Variants in PLEKHG7 observed in about 807,000 individuals in gnomAD.
The protein encoded by PLEKHG7 is pleckstrin homology domain-containing family G member 7.
PLEKHG7 carries 77 observed loss-of-function variants against 85.2 expected under a neutral mutation model. The ratio of observed to expected loss-of-function variants is 0.90; its 90% CI spans 0.75 to 1.09. PLEKHG7 has a LOEUF of 1.09. PLEKHG7 is among the 50% of genes least tolerant of loss of function. PLEKHG7 has a pLI of 0.00. For synonymous variants in PLEKHG7, 301 were observed against 302.4 expected (o/e 1.00, Z 0.05); for missense variants, 777 against 804.3 (o/e 0.97, Z 0.41).
chr12:92,748,991 C>A (rs1872612680), intron 10 of PLEKHG7, among the ~76,000 whole-genome samples: 1 of 152,190 alleles, frequency 6.6e-6, no homozygotes, highest in South Asian at 2.1e-4. Context: ...GGAGTTTAGA[C>A]AAATTAGGCA....
At chr12:92,728,893 C>A in intron 3 of PLEKHG7, 100 bp from the exon 4 acceptor site, 2 of 977,494 alleles carry the variant, frequency 2.0e-6, no homozygotes, top group East Asian at 3.3e-5. Context: ...TCTCCACAAC[C>A]ACGCCAACAT....
rs1873456008 is a variant in PLEKHG7, at chr12:92,772,127, T to C, written c.*1932T>C. ...CAAAAAACAATGGCACATTGGGCCT[T>C]CCAAAAAGTATCTTTGGGGAGGGGA... is the stretch of plus-strand genomic sequence containing the variant. On this transcript the variant is annotated 3_prime_UTR_variant, in exon 17 of 17. Coordinates refer to ENST00000344636, the MANE Select transcript of PLEKHG7 (RefSeq NM_001377329.1). 6.6e-6 allele frequency: 1 copy of C among 151,674 alleles called. No individual in the cohort carries two copies. The highest frequency in any genetic ancestry group is 1.5e-5 in the Non-Finnish European group (1 of 67,798). 9.4% of individuals were successfully genotyped at this position (151,674 alleles called of 1,614,324 possible). A position where few individuals can be genotyped will look rare whatever the true frequency, so the allele number is the denominator to read the frequency against.
chr12:92,750,577 G>A (rs1465301577), intron 10 of PLEKHG7, among the ~76,000 whole-genome samples: 2 of 152,192 alleles, frequency 1.3e-5, no homozygotes, highest in African/African-American at 4.8e-5. Context: ...GTGGCCTGGG[G>A]CAGTGAGTTT....
In PLEKHG7 at chr12:92,770,294, A is replaced by G; in HGVS notation, c.*99A>G. The G allele has an allele frequency of 2.1e-6, 2 of 941,520 alleles. No individual in the cohort carries two copies. The highest frequency in any genetic ancestry group is 3.2e-6 in the Non-Finnish European group (2 of 619,538). 58.3% of individuals were successfully genotyped at this position (941,520 alleles called of 1,614,324 possible). The stretch of plus-strand genomic sequence containing the variant: ...ACTTAGCTAGTGATAAGCTAGAAGG[A>G]AATTTGCATTTTAAAGAAGTTTCAG... On this transcript the variant is annotated 3_prime_UTR_variant, in exon 17 of 17. Transcript: ENST00000344636.
At chr12:92,750,850 G>A (rs1872670548) in intron 10 of PLEKHG7, among the ~76,000 whole-genome samples, 1 of 152,110 alleles carries the variant, frequency 6.6e-6, no homozygotes, top group Non-Finnish European at 1.5e-5. Context: ...CTAGCCAAGA[G>A]CCATCTAGCC....
At chr12:92,732,778 T>C (rs796203015) in intron 5 of PLEKHG7, among the ~76,000 whole-genome samples, 6 of 152,286 alleles carry the variant, frequency 3.9e-5, no homozygotes, top group African/African-American at 1.2e-4. Flanking sequence ...GTTATCCATC[T>C]CAATCAGCGG....
rs74886854 is a variant in PLEKHG7 at position 92,741,082 on chromosome 12, A to C, written c.1035+134A>C. On this transcript the variant is annotated intron_variant, in intron 8 of 16. Transcript: ENST00000344636. ...TTCCCAGTCAGGACTTCAGGTTAAT[A>C]AGAAAGAAGTTGAAATATCCATTAT... is the stretch of plus-strand genomic sequence containing the variant. 156 of 579,124 alleles carry C rather than the reference A, an allele frequency of 2.7e-4. 1 individual carries two copies. The East Asian group carries it at 4.5e-3, about 17-fold the overall frequency. The allele number at this position is 579,124 out of a possible 1,614,324, so 35.9% of individuals were successfully genotyped here.
intron 15 of PLEKHG7, among the ~76,000 whole-genome samples, chr12:92,766,752 C>G (rs1278132749): frequency 1.3e-5 from 2 of 152,122 alleles, no homozygotes; most frequent in Non-Finnish European, 2.9e-5. Context: ...ATCACTTAAA[C>G]CCAGAAGGCA....
Position 92,761,761 on chromosome 12 carries a change from G to C in PLEKHG7, c.1646G>C (p.Arg549Thr). 1 of 1,570,310 alleles carries C rather than the reference G, an allele frequency of 6.4e-7. No homozygotes were observed. The change falls in exon 14 of 17, where the codon AGA becomes ACA. Residue 549 changes from arginine to threonine, a missense_variant. Physicochemically the swap from Arg to Thr is moderately conservative, Grantham distance 71. Coordinates refer to ENST00000344636, the MANE Select transcript of PLEKHG7 (RefSeq NM_001377329.1). ...CTCTTTTTTTCCTCAGAAAGCACGA[G>C]ATTCCTAGATGTTTATCTGTTTCTC... ...EGKLTLAEST[R>T]FLDVYLFLFN...
Position 92,761,642 on chromosome 12 carries a change from GA to G in PLEKHG7, c.1637-107del, listed in dbSNP as rs374017263. On this transcript the variant is annotated intron_variant, in intron 13 of 16. Transcript: ENST00000344636. ...AAGAAAGAAGAAAGAAAGAAAGAAA[GA>G]AAGAAAGAAAGAAAGAAAGAAAGAA... 108 of 779,252 alleles carry G rather than the reference GA, an allele frequency of 1.4e-4. 1 individual carries two copies. The highest frequency in any genetic ancestry group is 6.6e-4 in the South Asian group (23 of 34,812). The allele number at this position is 779,252 out of a possible 1,614,324, so 48.3% of individuals were successfully genotyped here. A position where few individuals can be genotyped will look rare whatever the true frequency, so the allele number is the denominator to read the frequency against.
chr12:92,712,607 A>G (rs1174540505), intron 3 of PLEKHG7, among the ~76,000 whole-genome samples: 2 of 152,110 alleles, frequency 1.3e-5, no homozygotes, highest in Non-Finnish European at 2.9e-5. Context: ...TGATGGTAGC[A>G]TTAATTTCCA....
intron 15 of PLEKHG7, among the ~76,000 whole-genome samples, chr12:92,765,419 C>T (rs1027271100): frequency 1.3e-5 from 2 of 151,646 alleles, no homozygotes; most frequent in African/African-American, 2.4e-5. Context: ...CACCTGAGGT[C>T]GGGAGCTCGA....
At chr12:92,707,408 T>C (rs951982491) in intron 2 of PLEKHG7, 2 of 1,428,812 alleles carry the variant, frequency 1.4e-6, no homozygotes, top group Non-Finnish European at 9.1e-7. Context: ...GGCTTACCGA[T>C]GGTCTGTCAG....
intron 3 of PLEKHG7, among the ~76,000 whole-genome samples, chr12:92,717,243 G>T (rs10777443): frequency 0.48 from 72,721 of 152,052 alleles, 18,417 homozygotes; most frequent in East Asian, 0.9. Flanking sequence ...AGCCACTGGG[G>T]CAACACTAAC....
intron 9 of PLEKHG7, among the ~76,000 whole-genome samples, chr12:92,744,537 A>G (rs1264007912): frequency 1.3e-5 from 2 of 152,192 alleles, no homozygotes; most frequent in African/African-American, 4.8e-5. Context: ...TGTAGTCATT[A>G]TAGCAAGTTT....
intron 11 of PLEKHG7, 75 bp downstream of exon 11, chr12:92,754,339 T>G: frequency 7.2e-7 from 1 of 1,386,160 alleles, no homozygotes; most frequent in South Asian, 1.3e-5. Context: ...TGGGCTTCCA[T>G]CCTAGGAGGT....
At position 92,706,484 on chromosome 12, in the gene PLEKHG7, C is replaced by T; in HGVS notation, c.-148C>T. The T allele has an allele frequency of 1.0e-6, 1 of 978,040 alleles. No homozygotes were observed. Among genetic ancestry groups the T allele is most frequent in the African/African-American group, 1.6e-5 (1 of 61,490 alleles). The allele number at this position is 978,040 out of a possible 1,614,324, so 60.6% of individuals were successfully genotyped here. ...TCCTCACTACAGATGCAATAACCTG[C>T]TTGACATTCTCCTCTGGAAAAGGAA... is the stretch of plus-strand genomic sequence containing the variant. On this transcript the variant is annotated 5_prime_UTR_variant, in exon 2 of 17. Transcript: ENST00000344636.
chr12:92,761,642 G>GGAAGAAAGAA (rs780732776), intron 13 of PLEKHG7, 110 bp from the exon 14 acceptor site: 4 of 779,268 alleles, frequency 5.1e-6, no homozygotes, highest in Non-Finnish European at 6.9e-6. Context: ...AAGAAAGAAA[G>GGAAGAAAGAA]AAAGAAAGAA....
At chr12:92,750,242 T>C (rs1412662509) in intron 10 of PLEKHG7, among the ~76,000 whole-genome samples, 1 of 151,990 alleles carries the variant, frequency 6.6e-6, no homozygotes, top group Non-Finnish European at 1.5e-5. Flanking sequence ...GACTTATCAA[T>C]AAAAAGGCCT....
Sources: allele counts gnomAD v4.1 joint callset (sites outside exome capture counted in the v4.1 genomes callset), GRCh38; gene constraint gnomAD v4.1.1; transcripts MANE v1.5; gene names NCBI Gene and HGNC (gene_info 2026-07-23, HGNC 2026-07-21).